Variants in SFMBT2 observed in about 807,000 individuals in gnomAD.
SFMBT2 encodes Scm like with four mbt domains 2.
SFMBT2 carries 38 observed loss-of-function variants against 110.1 expected under a neutral mutation model. That is an observed-to-expected ratio of 0.35 (90% CI 0.27 to 0.45). SFMBT2 has a LOEUF of 0.45. SFMBT2 is among the 20% of genes least tolerant of loss of function. SFMBT2 has a pLI of 1.00. For missense variants in SFMBT2, 1,011 were observed against 1,094.9 expected (o/e 0.92, Z 1.08); for synonymous variants, 425 against 425.4 (o/e 1.00, Z 0.01).
chr10:7,163,553 C>T lies in SFMBT2; in HGVS notation c.*217G>A. On this transcript the variant is annotated 3_prime_UTR_variant, in exon 21 of 21. Coordinates refer to ENST00000397167, the MANE Select transcript of SFMBT2 (RefSeq NM_001387889.1). This position sits in a 1 kb window ranked among gnomAD's most constrained non-coding sequence, Gnocchi z 4.8. ...ACGTCTGGCAGGGTCTGATGCATGA[C>T]TTTAACTGGCACTCCCCAGAAGCGA... The T allele has an allele frequency of 1.9e-6, 1 of 518,770 alleles. No homozygotes were observed. 32.1% of individuals were successfully genotyped at this position (518,770 alleles called of 1,614,324 possible).
intron 4 of SFMBT2, among the ~76,000 whole-genome samples, chr10:7,327,498 T>A (rs1843424601): frequency 6.6e-6 from 1 of 152,040 alleles, no homozygotes; most frequent in Non-Finnish European, 1.5e-5. Context: ...CTGGCCAACA[T>A]GGTGAAACTC....
rs559512164 is a variant in SFMBT2 at position 7,277,873 on chromosome 10, G to A, written c.773-884C>T. On this transcript the variant is annotated intron_variant, in intron 6 of 20. Transcript: ENST00000397167. The stretch of plus-strand genomic sequence containing the variant: ...AAAGCAACAGTAAACCTTTGGGACT[G>A]TATTTTTAATTTCTTGCATGTCTGC... Among the ~76,000 whole-genome samples the A allele has an allele frequency of 4.6e-5, 7 of 152,330 alleles. No homozygotes were observed. In the South Asian group the frequency reaches 1.5e-3, roughly 32 times the overall value.
At chr10:7,167,009 C>T (rs1305541452) in intron 20 of SFMBT2, among the ~76,000 whole-genome samples, 15 of 152,110 alleles carry the variant, frequency 9.9e-5, no homozygotes, top group Admixed American at 9.8e-4. Context: ...CATCAATGGA[C>T]TAATTGTAAA....
At chr10:7,164,626 C>T (rs915670184) in intron 20 of SFMBT2, among the ~76,000 whole-genome samples, 2 of 152,050 alleles carry the variant, frequency 1.3e-5, no homozygotes, top group African/African-American at 4.8e-5. Context: ...GCAAAGGAAT[C>T]TCTACTAAAA....
chr10:7,359,468 C>G (rs1401383762), intron 4 of SFMBT2, among the ~76,000 whole-genome samples: 1 of 152,186 alleles, frequency 6.6e-6, no homozygotes, highest in Non-Finnish European at 1.5e-5. Flanking sequence ...AGCACCAACT[C>G]CCCCCTCGAA....
chr10:7,364,287 A>T (rs1024937607), intron 4 of SFMBT2, among the ~76,000 whole-genome samples: 3 of 152,228 alleles, frequency 2.0e-5, no homozygotes, highest in African/African-American at 4.8e-5. Flanking sequence ...AGTTGTTAAC[A>T]ATTGAAAAGA....
rs71382101 is a variant in SFMBT2 at position 7,342,396 on chromosome 10, C to CTTTTTTTTTTTTTTTT, written c.436+25237_436+25252dup. On this transcript the variant is annotated intron_variant, in intron 4 of 20. Transcript: ENST00000397167. ...ATTTAGGAATTGCACTGGAGTGAGT[C>CTTTTTTTTTTTTTTTT]TTTTTTTTTTTTTTTTTTTTTTTTT... Among the ~76,000 whole-genome samples the CTTTTTTTTTTTTTTTT allele has an allele frequency of 7.2e-5, 5 of 69,664 alleles. 1 individual carries two copies. Among genetic ancestry groups the CTTTTTTTTTTTTTTTT allele is most frequent in the Non-Finnish European group, 1.1e-4 (4 of 36,204 alleles). 45.7% of individuals were successfully genotyped at this position (69,664 alleles called of 152,430 possible). A position where few individuals can be genotyped will look rare whatever the true frequency, so the allele number is the denominator to read the frequency against.
chr10:7,228,334 G>A (rs1839960186), intron 9 of SFMBT2: 1 of 781,998 alleles, frequency 1.3e-6, no homozygotes. Flanking sequence ...ACTTTTCGGT[G>A]TCTTTATGGA....
intron 4 of SFMBT2, among the ~76,000 whole-genome samples, chr10:7,325,110 G>A (rs1008210822): frequency 2.6e-5 from 4 of 151,928 alleles, no homozygotes; most frequent in African/African-American, 7.3e-5. Context: ...TGGGATTACA[G>A]GTGCCCGCCA....
intron 4 of SFMBT2, among the ~76,000 whole-genome samples, chr10:7,330,905 C>G (rs1478671934): frequency 6.6e-6 from 1 of 152,236 alleles, no homozygotes; most frequent in African/African-American, 2.4e-5. Context: ...CCCATGGTAG[C>G]GTCCTCCCTG....
chr10:7,171,338 T>G lies in SFMBT2; in HGVS notation c.2416-282A>C. On this transcript the variant is annotated intron_variant, in intron 19 of 20. Transcript: ENST00000397167. This position sits in a 1 kb window ranked among gnomAD's most constrained non-coding sequence, Gnocchi z 4.9. ...GTTCAGGAAACCTTGGGCCTGCTTA[T>G]GAACGAAGCATCTCTGATTAGAGAA... The G allele has an allele frequency of 1.0e-6, 1 of 974,522 alleles. No homozygotes were observed. Among genetic ancestry groups the G allele is most frequent in the Non-Finnish European group, 1.2e-6 (1 of 820,036 alleles). The allele number at this position is 974,522 out of a possible 1,614,324, so 60.4% of individuals were successfully genotyped here. A position where few individuals can be genotyped will look rare whatever the true frequency, so the allele number is the denominator to read the frequency against.
chr10:7,304,436 T>C (rs902953077), intron 4 of SFMBT2, among the ~76,000 whole-genome samples: 4 of 152,220 alleles, frequency 2.6e-5, no homozygotes, highest in Admixed American at 2.6e-4. Context: ...GTCTTGGGTC[T>C]TTCTTCATAG....
At position 7,171,232 on chromosome 10, in the gene SFMBT2, A is replaced by G. The variant is rs1320285898; in HGVS notation, c.2416-176T>C. Among the ~76,000 whole-genome samples, 2 of 152,238 alleles carry G rather than the reference A, an allele frequency of 1.3e-5. No homozygotes were observed. Among genetic ancestry groups the G allele is most frequent in the Non-Finnish European group, 2.9e-5 (2 of 68,036 alleles). On this transcript the variant is annotated intron_variant, in intron 19 of 20. Coordinates refer to ENST00000397167, the MANE Select transcript of SFMBT2 (RefSeq NM_001387889.1). The surrounding 1 kb of genome is among the most constrained non-coding windows in gnomAD (Gnocchi z 4.9). ...CAGTCCCTGAGAAAGTTCTTGGCTC[A>G]GTGATGATGCCCCCTGCAATGACTC...
intron 10 of SFMBT2, among the ~76,000 whole-genome samples, chr10:7,224,991 C>T (rs1839856270): frequency 6.6e-6 from 1 of 152,174 alleles, no homozygotes; most frequent in African/African-American, 2.4e-5. Flanking sequence ...AAGAAATCAA[C>T]TGGCTCCATG....
intron 20 of SFMBT2, among the ~76,000 whole-genome samples, chr10:7,167,877 T>C (rs1047033933): frequency 6.6e-6 from 1 of 152,160 alleles, no homozygotes; most frequent in Non-Finnish European, 1.5e-5. Flanking sequence ...CTTTTACTAA[T>C]ATTAGAAGAG....
intron 4 of SFMBT2, among the ~76,000 whole-genome samples, chr10:7,322,295 G>A (rs1440506945): frequency 6.6e-6 from 1 of 152,140 alleles, no homozygotes; most frequent in African/African-American, 2.4e-5. Flanking sequence ...TGCCATGATT[G>A]TGAGGCCTCC....
intron 6 of SFMBT2, chr10:7,277,410 T>C (rs1010920088): frequency 8.2e-6 from 2 of 244,106 alleles, no homozygotes; most frequent in Admixed American, 1.3e-4. Flanking sequence ...AGTCTGGCAT[T>C]TGCAGTTATG....
At chr10:7,166,592 T>C (rs548651283) in intron 20 of SFMBT2, among the ~76,000 whole-genome samples, 40 of 152,286 alleles carry the variant, frequency 2.6e-4, no homozygotes, top group African/African-American at 8.9e-4. Flanking sequence ...GGACATCCCA[T>C]GAATCTGGAG....
intron 9 of SFMBT2, among the ~76,000 whole-genome samples, chr10:7,242,903 A>AT (rs1404962000): frequency 6.6e-6 from 1 of 151,970 alleles, no homozygotes; most frequent in African/African-American, 2.4e-5. Flanking sequence ...TCTTTTTCCA[A>AT]TTTTCTTCTT....
Sources: allele counts gnomAD v4.1 joint callset (sites outside exome capture counted in the v4.1 genomes callset), GRCh38; gene constraint gnomAD v4.1.1; non-coding constraint Gnocchi (gnomAD v3.1); transcripts MANE v1.5; gene names NCBI Gene and HGNC (gene_info 2026-07-23, HGNC 2026-07-21).